The following DIAPH3 variants were observed in gnomAD, a reference collection of about 807,000 sequenced individuals.
DIAPH3 encodes diaphanous related formin 3, also known as protein diaphanous homolog 3.
Under a neutral mutation model 144.3 loss-of-function variants are expected in DIAPH3, and 117 were observed. That is an observed-to-expected ratio of 0.81 (90% confidence interval 0.70 to 0.95). DIAPH3 has a LOEUF of 0.95. DIAPH3 is among the 40% of genes least tolerant of loss of function. The pLI, the probability that DIAPH3 is intolerant of heterozygous loss-of-function variation, is 0.00. For synonymous variants in DIAPH3, 519 were observed against 488.9 expected, an observed-to-expected ratio of 1.06 and a Z score of -0.81; for missense variants, 1,421 against 1,412.7, an observed-to-expected ratio of 1.01 and a Z score of -0.09.
intron 2 of DIAPH3, among the ~76,000 whole-genome samples, chr13:60,122,213 C>A (rs148015864): frequency 1.8e-3 from 267 of 152,244 alleles, no homozygotes; most frequent in African/African-American, 6.0e-3. Context: ...TAATGAACAA[C>A]CTAGAATCTC....
At chr13:59,740,609 C>T (rs374969524) in intron 27 of DIAPH3, among the ~76,000 whole-genome samples, 8 of 152,156 alleles carry the variant, frequency 5.3e-5, no homozygotes, top group African/African-American at 1.9e-4. Flanking sequence ...ATAAAAAATG[C>T]CACAGAAGGA....
intron 24 of DIAPH3, among the ~76,000 whole-genome samples, chr13:59,822,064 G>A (rs1006503470): frequency 6.6e-6 from 1 of 152,074 alleles, no homozygotes; most frequent in Non-Finnish European, 1.5e-5. Context: ...ACTTTGCTAT[G>A]AGTTTCTTTG....
chr13:59,801,444 T>C (rs1391600872), intron 25 of DIAPH3, among the ~76,000 whole-genome samples: 1 of 152,188 alleles, frequency 6.6e-6, no homozygotes, highest in Non-Finnish European at 1.5e-5. Flanking sequence ...CAGCACTAAT[T>C]TTACAAGAGT....
chr13:59,870,094 G>C (rs747041395), intron 21 of DIAPH3, among the ~76,000 whole-genome samples: 3 of 151,056 alleles, frequency 2.0e-5, no homozygotes, highest in Non-Finnish European at 4.4e-5. Flanking sequence ...AAAATGTATA[G>C]TCTTGCAATT....
chr13:60,065,547 T>A (rs902830716), intron 4 of DIAPH3, among the ~76,000 whole-genome samples: 1 of 152,110 alleles, frequency 6.6e-6, no homozygotes, highest in African/African-American at 2.4e-5. Flanking sequence ...GAAAAATGAA[T>A]GAACAAGGGA....
At chr13:60,077,913 T>C (rs112134651) in intron 4 of DIAPH3, among the ~76,000 whole-genome samples, 1 of 152,220 alleles carries the variant, frequency 6.6e-6, no homozygotes, top group East Asian at 1.9e-4. Flanking sequence ...TAGACTAGCC[T>C]ATAAGGAGAG....
At chr13:60,102,514 G>T (rs1348803751) in intron 3 of DIAPH3, among the ~76,000 whole-genome samples, 1 of 152,184 alleles carries the variant, frequency 6.6e-6, no homozygotes, top group Non-Finnish European at 1.5e-5. Context: ...ATGAGATGCA[G>T]GTAAGCTTCT....
At chr13:60,103,358 G>A (rs2058326071) in intron 3 of DIAPH3, among the ~76,000 whole-genome samples, 1 of 152,050 alleles carries the variant, frequency 6.6e-6, no homozygotes, top group Middle Eastern at 3.2e-3. Context: ...ATCAAGTTGA[G>A]CGGGACAGTT....
chr13:59,680,002 C>CA (rs763471533), intron 27 of DIAPH3, among the ~76,000 whole-genome samples: 17 of 152,068 alleles, frequency 1.1e-4, no homozygotes, highest in Non-Finnish European at 1.9e-4. Context: ...TCTGTTAGTT[C>CA]AGTGGTTCAA....
chr13:60,139,553 G>C (rs953236850), intron 1 of DIAPH3, among the ~76,000 whole-genome samples: 3 of 152,016 alleles, frequency 2.0e-5, no homozygotes, highest in Admixed American at 6.5e-5. Flanking sequence ...TAAGGAGAAG[G>C]CATCATTCAA....
intron 2 of DIAPH3, among the ~76,000 whole-genome samples, chr13:60,115,376 G>A (rs988010748): frequency 6.6e-6 from 1 of 152,154 alleles, no homozygotes; most frequent in African/African-American, 2.4e-5. Context: ...CTCAAGAACT[G>A]CAAGAGATCA....
intron 16 of DIAPH3, among the ~76,000 whole-genome samples, chr13:59,970,399 C>T (rs922205778): frequency 2.6e-5 from 4 of 152,138 alleles, no homozygotes; most frequent in Non-Finnish European, 4.4e-5. Flanking sequence ...GTTTCTGTTA[C>T]CATGAAACCA....
intron 17 of DIAPH3, among the ~76,000 whole-genome samples, chr13:59,955,637 T>C (rs762837067): frequency 2.0e-5 from 3 of 151,904 alleles, no homozygotes; most frequent in Admixed American, 6.6e-5. Context: ...CAGGCAGAGG[T>C]TGGAACAGTT....
At chr13:60,116,359 T>C (rs1194841297) in intron 2 of DIAPH3, among the ~76,000 whole-genome samples, 1 of 152,010 alleles carries the variant, frequency 6.6e-6, no homozygotes, top group Non-Finnish European at 1.5e-5. Context: ...CATAAAACTG[T>C]CTCCACATGA....
At chr13:59,919,091 T>C (rs868058666) in intron 18 of DIAPH3, among the ~76,000 whole-genome samples, 5 of 151,934 alleles carry the variant, frequency 3.3e-5, no homozygotes, top group South Asian at 4.2e-4. Flanking sequence ...GAAAAAAATC[T>C]GTAAACTTAA....
intron 27 of DIAPH3, among the ~76,000 whole-genome samples, chr13:59,684,756 A>G (rs761246050): frequency 6.6e-6 from 1 of 152,200 alleles, no homozygotes; most frequent in African/African-American, 2.4e-5. Context: ...TAATTGATCA[A>G]CATATGTCTT....
At chr13:59,689,505 A>G (rs1289662199) in intron 27 of DIAPH3, among the ~76,000 whole-genome samples, 1 of 152,104 alleles carries the variant, frequency 6.6e-6, no homozygotes, top group African/African-American at 2.4e-5. Context: ...TCCCAAGTAT[A>G]TATCTGGTGC....
At chr13:59,935,947 A>AGCAATCATAAAAAC (rs1566541058) in intron 17 of DIAPH3, among the ~76,000 whole-genome samples, 23 of 152,334 alleles carry the variant, frequency 1.5e-4, no homozygotes, top group Non-Finnish European at 2.5e-4. Context: ...ATCATAAAAA[A>AGCAATCATAAAAAC]TGTAGCAGAT....
intron 17 of DIAPH3, among the ~76,000 whole-genome samples, chr13:59,929,367 G>A (rs983802285): frequency 6.6e-6 from 1 of 151,786 alleles, no homozygotes; most frequent in Non-Finnish European, 1.5e-5. Flanking sequence ...CTGATTTTAA[G>A]TTACACTTTG....
Sources: gnomAD v4.1 joint callset for allele counts (sites outside exome capture counted in the v4.1 genomes callset) on GRCh38, gnomAD v4.1.1 for gene constraint, MANE v1.5 for transcripts, NCBI Gene and HGNC (gene_info 2026-07-23, HGNC 2026-07-21) for gene names.